The following CDC42BPB variants were observed in gnomAD, a reference collection of about 807,000 sequenced individuals.
CDC42BPB encodes the protein CDC42 binding protein kinase beta, also known as serine/threonine-protein kinase MRCK beta.
In CDC42BPB, 37 loss-of-function variants were observed where a neutral mutation model predicts 214.9. The ratio of observed to expected loss-of-function variants is 0.17; its 90% CI spans 0.13 to 0.23. The LOEUF is 0.23. Ranked by LOEUF, CDC42BPB falls within the 10% of genes least tolerant of loss-of-function variation. The pLI is 1.00. For missense variants in CDC42BPB, 1,694 were observed against 2,227.0 expected, an observed-to-expected ratio of 0.76 and a Z score of 4.82; for synonymous variants, 931 against 884.0, an observed-to-expected ratio of 1.05 and a Z score of -0.94.
chr14:102,978,609 T>C (rs1300276187), intron 8 of CDC42BPB, among the ~76,000 whole-genome samples: 1 of 152,240 alleles, frequency 6.6e-6, no homozygotes, highest in Admixed American at 6.5e-5. Context: ...GTTCTTGACC[T>C]AAGACAAGAG....
chr14:102,954,859 C>A, intron 21 of CDC42BPB, 171 bp from the exon 22 acceptor site: 2 of 982,168 alleles, frequency 2.0e-6, no homozygotes, highest in Non-Finnish European at 2.4e-6. Flanking sequence ...ACCCCTGCTC[C>A]ACTCCCAGCT....
chr14:102,966,406 G>C lies in CDC42BPB; in HGVS notation c.2472-19C>G, dbSNP rs989192197. The C allele has an allele frequency of 6.2e-7, 1 of 1,611,648 alleles. No individual in the cohort carries two copies. Among genetic ancestry groups the C allele is most frequent in the Admixed American group, 1.7e-5 (1 of 59,928 alleles). ...ACTGACCCTGGAGGAGGGAACAGAT[G>C]TTCTATCTCACGAAGCATGGCTATC... On this transcript the variant is annotated intron_variant, in intron 17 of 36. Coordinates refer to ENST00000361246, the MANE Select transcript of CDC42BPB (RefSeq NM_006035.4).
chr14:103,033,497 C>T (rs1290346004), intron 1 of CDC42BPB, among the ~76,000 whole-genome samples: 1 of 152,188 alleles, frequency 6.6e-6, no homozygotes, highest in Non-Finnish European at 1.5e-5. Flanking sequence ...GCTGGGATTA[C>T]AGGTGTAAGC....
intron 5 of CDC42BPB, among the ~76,000 whole-genome samples, chr14:102,990,969 G>A (rs1447397681): frequency 2.0e-5 from 3 of 152,206 alleles, no homozygotes; most frequent in South Asian, 2.1e-4. Context: ...ATGACGACTG[G>A]TCAGCATGGT....
At chr14:103,012,862 A>G (rs1481236704) in intron 1 of CDC42BPB, among the ~76,000 whole-genome samples, 7 of 152,188 alleles carry the variant, frequency 4.6e-5, no homozygotes, top group Admixed American at 2.6e-4. Flanking sequence ...AGCTGCCTAC[A>G]GTGTTCGGAA....
intron 14 of CDC42BPB, 53 bp from the exon 15 acceptor site, chr14:102,968,769 C>T: frequency 6.3e-7 from 1 of 1,598,044 alleles, no homozygotes; most frequent in Non-Finnish European, 8.5e-7. Flanking sequence ...TCAAGGGTCA[C>T]ACTGTCCTTT....
intron 1 of CDC42BPB, among the ~76,000 whole-genome samples, chr14:103,048,276 G>A (rs975594239): frequency 7.9e-5 from 12 of 152,014 alleles, no homozygotes; most frequent in African/African-American, 2.9e-4. Flanking sequence ...GGGAGCGGTG[G>A]CTCACTCCTG....
intron 29 of CDC42BPB, chr14:102,945,332 T>C (rs1040807793): frequency 2.1e-6 from 1 of 476,432 alleles, no homozygotes. Flanking sequence ...AAGACTGAAG[T>C]GTCAAAATTG....
chr14:102,962,543 T>A lies in CDC42BPB; in HGVS notation c.2821+518A>T, dbSNP rs201795653. The stretch of plus-strand genomic sequence containing the variant: ...CCTAGATTTGTGTGGATTTGCCATA[T>A]GCTTTCAAGATGAAAGGAAGGATAG... On this transcript the variant is annotated intron_variant, in intron 20 of 36. Coordinates refer to ENST00000361246, the MANE Select transcript of CDC42BPB (RefSeq NM_006035.4). Among the ~76,000 whole-genome samples the A allele has an allele frequency of 3.9e-5, 6 of 152,214 alleles. No individual in the cohort carries two copies. In the East Asian group the frequency reaches 1.2e-3, roughly 29 times the overall value.
intron 1 of CDC42BPB, among the ~76,000 whole-genome samples, chr14:103,041,147 ACAAGGATTCTAAGACCATT>A (rs1469011953): frequency 1.3e-5 from 2 of 152,226 alleles, no homozygotes; most frequent in Non-Finnish European, 2.9e-5. Context: ...ACTGATTCTG[ACAAGGATTCTAAGACCATT>A]CAACGGGGGA....
chr14:102,992,275 G>T (rs1278771720), intron 5 of CDC42BPB, among the ~76,000 whole-genome samples: 1 of 152,198 alleles, frequency 6.6e-6, no homozygotes, highest in Non-Finnish European at 1.5e-5. Flanking sequence ...TTTACATAAA[G>T]AAGTCAACTG....
At position 103,001,156 on chromosome 14, in the gene CDC42BPB, A is replaced by G. The variant is rs1236167789; in HGVS notation, c.448-1443T>C. 1.3e-5 allele frequency among the ~76,000 whole-genome samples: 2 copies of G among 151,938 alleles called. No individual in the cohort carries two copies. The highest frequency in any genetic ancestry group is 2.9e-5 in the Non-Finnish European group (2 of 67,968). ...GGAGTCTTCCTCAAGCCTCCCTGCCACCGCCAAGGGCAGCCCCAGCCTCCC... is the reference window on the plus strand; with the variant it reads ...GGAGTCTTCCTCAAGCCTCCCTGCCGCCGCCAAGGGCAGCCCCAGCCTCCC... On this transcript the variant is annotated intron_variant, in intron 4 of 36. Transcript: ENST00000361246. The surrounding 1 kb of genome is among the most constrained non-coding windows in gnomAD (Gnocchi z 5.8).
At chr14:103,029,031 T>G (rs1474546324) in intron 1 of CDC42BPB, among the ~76,000 whole-genome samples, 1 of 152,100 alleles carries the variant, frequency 6.6e-6, no homozygotes, top group Non-Finnish European at 1.5e-5. Flanking sequence ...CTTTCTAAAT[T>G]GAATAGTCAA....
At chr14:102,993,604 C>T (rs1358679905) in intron 5 of CDC42BPB, among the ~76,000 whole-genome samples, 1 of 152,114 alleles carries the variant, frequency 6.6e-6, no homozygotes, top group African/African-American at 2.4e-5. Flanking sequence ...CAGAAGCAGA[C>T]CCAGCCCTTC....
At chr14:102,993,777 T>A (rs185405545) in intron 5 of CDC42BPB, among the ~76,000 whole-genome samples, 1 of 152,212 alleles carries the variant, frequency 6.6e-6, no homozygotes, top group African/African-American at 2.4e-5. Context: ...ACAGGACAAA[T>A]GTATGAAGAG....
intron 8 of CDC42BPB, among the ~76,000 whole-genome samples, chr14:102,980,251 T>C (rs533041588): frequency 2.0e-5 from 3 of 152,258 alleles, no homozygotes; most frequent in Admixed American, 2.0e-4. Context: ...TCCCAGCACT[T>C]TGGGAGGCAG....
chr14:102,957,645 AT>A (rs1272767944), intron 21 of CDC42BPB, among the ~76,000 whole-genome samples: 4 of 152,256 alleles, frequency 2.6e-5, no homozygotes, highest in Non-Finnish European at 5.9e-5. Flanking sequence ...ACAAACAAAC[AT>A]TTTGACAGGT....
intron 5 of CDC42BPB, among the ~76,000 whole-genome samples, chr14:102,992,612 G>A (rs1894544759): frequency 6.6e-6 from 1 of 151,956 alleles, no homozygotes; most frequent in African/African-American, 2.4e-5. Context: ...TCCACTCACC[G>A]CCTCACCAAC....
At position 103,057,017 on chromosome 14, in the gene CDC42BPB, C is replaced by T; in HGVS notation, c.157G>A (p.Ala53Thr). 1.3e-6 allele frequency: 2 copies of T among 1,490,110 alleles called. No homozygotes were observed. Among genetic ancestry groups the T allele is most frequent in the African/African-American group, 1.4e-5 (1 of 69,066 alleles). 92.3% of individuals were successfully genotyped at this position (1,490,110 alleles called of 1,614,324 possible). ...CACTTACCCCACTCGAGGAACTCGGCCACGTACTTGTCGCGGCGCAGGGCC... is the reference window on the plus strand; with the variant it reads ...CACTTACCCCACTCGAGGAACTCGGTCACGTACTTGTCGCGGCGCAGGGCC... ...HSALRRDKYV[A>T]EFLEWAKPFT... The change falls in exon 1 of 37, where the codon GCC (alanine) becomes ACC (threonine). Residue 53 changes from alanine to threonine, a missense_variant. Ala to Thr is a moderately conservative substitution (Grantham distance 58). Transcript: ENST00000361246.
Sources: gnomAD v4.1 joint callset for allele counts (sites outside exome capture counted in the v4.1 genomes callset) on GRCh38, gnomAD v4.1.1 for gene constraint, Gnocchi (gnomAD v3.1) non-coding constraint, MANE v1.5 for transcripts, NCBI Gene and HGNC (gene_info 2026-07-23, HGNC 2026-07-21) for gene names.